Variants in GPC5 observed in about 807,000 individuals in gnomAD.
GPC5 encodes the protein glypican 5.
A neutral mutation model predicts 53.9 loss-of-function variants in GPC5; 47 were observed. The observed-to-expected ratio is 0.87, with a 90% CI of 0.69 to 1.11. GPC5 has a LOEUF of 1.11. Among genes scored for constraint, GPC5 ranks in the 50% most tolerant of loss-of-function variants. The probability of loss-of-function intolerance (pLI) is 0.00; values close to 1 mark genes in which losing one functional copy is unlikely to be tolerated. For synonymous variants in GPC5, 286 were observed against 263.3 expected, an observed-to-expected ratio of 1.09 and a Z score of -0.84; for missense variants, 748 against 713.1, an observed-to-expected ratio of 1.05 and a Z score of -0.56.
chr13:91,576,525 C>G (rs914940364), intron 2 of GPC5, among the ~76,000 whole-genome samples: 1 of 152,012 alleles, frequency 6.6e-6, no homozygotes, highest in Non-Finnish European at 1.5e-5. Flanking sequence ...GGTAACAGTA[C>G]CCAGTGTTGA....
intron 7 of GPC5, among the ~76,000 whole-genome samples, chr13:92,710,871 G>A (rs1888112715): frequency 6.6e-6 from 1 of 152,114 alleles, no homozygotes; most frequent in Non-Finnish European, 1.5e-5. Flanking sequence ...ATTTTTATGT[G>A]ACAATGATGA....
At chr13:91,928,483 C>T (rs1249167885) in intron 6 of GPC5, among the ~76,000 whole-genome samples, 2 of 152,102 alleles carry the variant, frequency 1.3e-5, no homozygotes, top group Non-Finnish European at 1.5e-5. Context: ...AATGAAAAGT[C>T]CTAAAGTTTG....
intron 5 of GPC5, among the ~76,000 whole-genome samples, chr13:91,894,776 C>A (rs1381144837): frequency 6.6e-6 from 1 of 151,998 alleles, no homozygotes; most frequent in African/African-American, 2.4e-5. Flanking sequence ...AAATGAAACC[C>A]AAATCAGAGT....
intron 7 of GPC5, among the ~76,000 whole-genome samples, chr13:92,316,971 T>C (rs561964556): frequency 6.6e-6 from 1 of 152,320 alleles, no homozygotes; most frequent in Non-Finnish European, 1.5e-5. Flanking sequence ...CTGTTATCTT[T>C]TCTCTGCATA....
In GPC5 at chr13:91,606,208, A is replaced by G. The variant is rs973631624; in HGVS notation, c.326-86979A>G. On this transcript the variant is annotated intron_variant, in intron 2 of 7. Coordinates refer to ENST00000377067, the MANE Select transcript of GPC5 (RefSeq NM_004466.6). ...AAAGGCTTTTTCTGCATCTATTGAG[A>G]TAATCATGTGGTTTTTGTCTTTGGT... Among the ~76,000 whole-genome samples the G allele has an allele frequency of 4.0e-5, 6 of 151,246 alleles. No individual in the cohort carries two copies. The Middle Eastern group carries it at 0.01, about 257-fold the overall frequency.
intron 2 of GPC5, among the ~76,000 whole-genome samples, chr13:91,651,985 G>A (rs1232654857): frequency 2.0e-5 from 3 of 152,190 alleles, no homozygotes; most frequent in African/African-American, 7.2e-5. Context: ...GGAGTTCTGA[G>A]TTAGGAGGTC....
chr13:91,843,610 G>T (rs2038814548), intron 5 of GPC5, among the ~76,000 whole-genome samples: 1 of 152,150 alleles, frequency 6.6e-6, no homozygotes, highest in Non-Finnish European at 1.5e-5. Context: ...TATAGAAAAT[G>T]TGTATACCAG....
At chr13:91,881,085 C>T (rs978127647) in intron 5 of GPC5, among the ~76,000 whole-genome samples, 5 of 152,100 alleles carry the variant, frequency 3.3e-5, no homozygotes, top group Non-Finnish European at 4.4e-5. Context: ...GCCACTGCAC[C>T]CGGCCTATAG....
chr13:92,555,605 TATATA>T (rs1010240787), intron 7 of GPC5, among the ~76,000 whole-genome samples: 49 of 150,288 alleles, frequency 3.3e-4, no homozygotes, highest in African/African-American at 8.5e-4. Context: ...ATTATATAAA[TATATA>T]ATATAAGATA....
At chr13:92,048,069 A>G (rs2040997733) in intron 6 of GPC5, among the ~76,000 whole-genome samples, 1 of 151,960 alleles carries the variant, frequency 6.6e-6, no homozygotes, top group African/African-American at 2.4e-5. Flanking sequence ...ACAGTTGTAT[A>G]TAGTGAAAAC....
rs539324903 is a variant in GPC5 at position 92,709,784 on chromosome 13, T to C, written c.1562-156498T>C. Among the ~76,000 whole-genome samples, 240 of 152,346 alleles carry C rather than the reference T, an allele frequency of 1.6e-3. 1 individual carries two copies. Among genetic ancestry groups the C allele is most frequent in the African/African-American group, 5.7e-3 (235 of 41,584 alleles). On this transcript the variant is annotated intron_variant, in intron 7 of 7. Coordinates refer to ENST00000377067, the MANE Select transcript of GPC5 (RefSeq NM_004466.6). Reference sequence around the variant, plus strand: ...GCTATGGGCAGAGATGTATACTTCTTTCTAAAGGAAGTTATCCAACAATTG... The same window carrying C: ...GCTATGGGCAGAGATGTATACTTCTCTCTAAAGGAAGTTATCCAACAATTG...
At chr13:92,771,048 A>G (rs1875593860) in intron 7 of GPC5, among the ~76,000 whole-genome samples, 1 of 152,132 alleles carries the variant, frequency 6.6e-6, no homozygotes, top group South Asian at 2.1e-4. Flanking sequence ...CCACAAGCCT[A>G]GTGGGAAGAG....
intron 7 of GPC5, among the ~76,000 whole-genome samples, chr13:92,284,443 G>C (rs1164204101): frequency 6.6e-6 from 1 of 152,106 alleles, no homozygotes; most frequent in African/African-American, 2.4e-5. Context: ...ACAAAAAAAA[G>C]AGAATTTTAG....
At chr13:92,352,251 C>A (rs2043484370) in intron 7 of GPC5, among the ~76,000 whole-genome samples, 1 of 151,652 alleles carries the variant, frequency 6.6e-6, no homozygotes. Flanking sequence ...TATATTGACA[C>A]AAAAAATTAA....
intron 7 of GPC5, among the ~76,000 whole-genome samples, chr13:92,512,247 T>TGC (rs143068275): frequency 6.2e-5 from 8 of 129,696 alleles, no homozygotes; most frequent in African/African-American, 2.2e-4. Context: ...TGTGTGTGTG[T>TGC]GTGCGCGCGC....
chr13:92,489,232 T>G (rs1879669164), intron 7 of GPC5, among the ~76,000 whole-genome samples: 1 of 152,166 alleles, frequency 6.6e-6, no homozygotes, highest in African/African-American at 2.4e-5. Flanking sequence ...TTCATGTACA[T>G]TTTACCTATG....
chr13:91,939,836 A>T (rs1269199773), intron 6 of GPC5, among the ~76,000 whole-genome samples: 1 of 152,156 alleles, frequency 6.6e-6, no homozygotes, highest in Non-Finnish European at 1.5e-5. Context: ...TATGGGACAC[A>T]TGAGACAAGG....
chr13:91,745,232 G>A (rs189840873), intron 4 of GPC5, among the ~76,000 whole-genome samples: 3 of 152,050 alleles, frequency 2.0e-5, no homozygotes, highest in Non-Finnish European at 4.4e-5. Flanking sequence ...TTGTAGAGGA[G>A]GATGCTTTCA....
intron 2 of GPC5, among the ~76,000 whole-genome samples, chr13:91,485,589 C>A (rs2139233304): frequency 6.6e-6 from 1 of 152,126 alleles, no homozygotes; most frequent in South Asian, 2.1e-4. Context: ...AGATTAAAAA[C>A]AAATGAACTG....
Sources: gnomAD v4.1 joint callset for allele counts (sites outside exome capture counted in the v4.1 genomes callset) on GRCh38, gnomAD v4.1.1 for gene constraint, MANE v1.5 for transcripts, NCBI Gene and HGNC (gene_info 2026-07-23, HGNC 2026-07-21) for gene names.